The following SPRY4 variants were observed in gnomAD, a reference collection of about 807,000 sequenced individuals.
SPRY4 encodes the protein sprouty RTK signaling antagonist 4.
A neutral mutation model predicts 17.0 loss-of-function variants in SPRY4; 7 were observed. The observed-to-expected ratio is 0.41, with a 90% CI of 0.23 to 0.77. The LOEUF (loss-of-function observed/expected upper bound fraction) is 0.77. Among genes scored for constraint, SPRY4 ranks in the 30% least tolerant of loss-of-function variants. SPRY4 has a pLI of 0.32. For missense variants in SPRY4, 435 were observed against 419.9 expected, an observed-to-expected ratio of 1.04 and a Z score of -0.31; for synonymous variants, 183 against 174.1, an observed-to-expected ratio of 1.05 and a Z score of -0.40.
chr5:142,323,938 G>C lies in SPRY4; in HGVS notation c.-48+906C>G, dbSNP rs533227135. ...TGTCAAGCCTGGTACCACCAAGAAGGAAGGAGGGAAAGCAGGAGCCTTATC... is the reference window on the plus strand; with the variant it reads ...TGTCAAGCCTGGTACCACCAAGAAGCAAGGAGGGAAAGCAGGAGCCTTATC... On this transcript the variant is annotated intron_variant, in intron 1 of 1. Coordinates refer to ENST00000434127, the MANE Select transcript of SPRY4 (RefSeq NM_001127496.3). 4 of 152,440 alleles carry C rather than the reference G, an allele frequency of 2.6e-5. No homozygotes were observed. In the East Asian group the frequency reaches 7.7e-4, roughly 29 times the overall value. The allele number at this position is 152,440 out of a possible 1,614,324, so 9.4% of individuals were successfully genotyped here.
In SPRY4 at chr5:142,314,488, G is replaced by C; in HGVS notation, c.621C>G (p.Phe207Leu). 1 of 1,614,210 alleles carries C rather than the reference G, an allele frequency of 6.2e-7. No individual in the cohort carries two copies. ...GTCMCLVQGI[F>L]YHCTNEDDEG... ...CATCGTCCTCATTCGTGCAGTGGTAGAAGATGCCCTGCACCAAACACATGC... is the reference window on the plus strand; with the variant it reads ...CATCGTCCTCATTCGTGCAGTGGTACAAGATGCCCTGCACCAAACACATGC... Residue 207 changes from phenylalanine (F) to leucine (L), a missense_variant, in exon 2 of 2, where the codon TTC (phenylalanine) becomes TTG (leucine). Phe to Leu is a conservative substitution (Grantham distance 22, BLOSUM62 0). Coordinates refer to ENST00000434127, the MANE Select transcript of SPRY4 (RefSeq NM_001127496.3). The surrounding 1 kb of genome is among the most constrained non-coding windows in gnomAD (Gnocchi z 4.8).
rs12519043 is a variant in SPRY4 at position 142,320,446 on chromosome 5, C to T, written c.-48+4398G>A. On this transcript the variant is annotated intron_variant, in intron 1 of 1. Transcript: ENST00000434127. ...ACTTCATCCCACCACATTACCGATTCCCAACCCTCTTCTCTTCTCTCTTTC... is the reference window on the plus strand; with the variant it reads ...ACTTCATCCCACCACATTACCGATTTCCAACCCTCTTCTCTTCTCTCTTTC... Among the ~76,000 whole-genome samples, 844 of 152,200 alleles carry T rather than the reference C, an allele frequency of 5.5e-3. 2 individuals carry two copies. The highest frequency in any genetic ancestry group is 9.7e-3 in the Non-Finnish European group (657 of 68,002).
intron 1 of SPRY4, chr5:142,319,638 A>G: frequency 6.9e-7 from 1 of 1,459,012 alleles, no homozygotes; most frequent in South Asian, 1.3e-5. Flanking sequence ...TAGAATACTG[A>G]ATCAGCAGGA....
Position 142,314,739 on chromosome 5 carries a change from C to G in SPRY4, c.370G>C (p.Ala124Pro). 6 of 1,608,030 alleles carry G rather than the reference C, an allele frequency of 3.7e-6. No individual in the cohort carries two copies. Among genetic ancestry groups the G allele is most frequent in the Non-Finnish European group, 5.1e-6 (6 of 1,175,116 alleles). The change falls in exon 2 of 2, where the codon GCC becomes CCC. Residue 124 changes from alanine (A) to proline (P), a missense_variant. Coordinates refer to ENST00000434127, the MANE Select transcript of SPRY4 (RefSeq NM_001127496.3). The surrounding 1 kb of genome is among the most constrained non-coding windows in gnomAD (Gnocchi z 4.8). ...TGGATGCGCACAGCCCTTGGTGAGG[C>G]CTGGTCAGCCACGGGTGGTGGTGCC... ...HMAPPPVADQ[A>P]SPRAVRIQPK...
intron 1 of SPRY4, among the ~76,000 whole-genome samples, chr5:142,320,494 A>G (rs1456003524): frequency 2.0e-5 from 3 of 152,174 alleles, no homozygotes; most frequent in Non-Finnish European, 4.4e-5. Flanking sequence ...CTGAGCTCCA[A>G]AGCCCCAGCA....
At chr5:142,317,620 T>C in intron 1 of SPRY4, 1 of 157,112 alleles carries the variant, frequency 6.4e-6, no homozygotes, top group Non-Finnish European at 1.2e-5. Context: ...GCAGATTCAC[T>C]TTTTTTTTTT....
At chr5:142,316,928 G>C (rs1759172875) in intron 1 of SPRY4, 6 of 919,898 alleles carry the variant, frequency 6.5e-6, no homozygotes, top group Non-Finnish European at 5.2e-6. Flanking sequence ...AAGGATGCTG[G>C]TATTTCTTTA....
Position 142,314,163 on chromosome 5 carries a change from G to C in SPRY4, c.*46C>G, listed in dbSNP as rs144313996. Reference sequence around the variant, plus strand: ...GCTGCAGTCTTCTTAGATGTCAGAAGAGAACCAGGTTTCCAGGCAGAGCAC... The same window carrying C: ...GCTGCAGTCTTCTTAGATGTCAGAACAGAACCAGGTTTCCAGGCAGAGCAC... On this transcript the variant is annotated 3_prime_UTR_variant, in exon 2 of 2. Transcript: ENST00000434127. The surrounding 1 kb of genome is among the most constrained non-coding windows in gnomAD (Gnocchi z 4.8). 1.3e-6 allele frequency: 2 copies of C among 1,555,770 alleles called. No homozygotes were observed. Among genetic ancestry groups the C allele is most frequent in the Non-Finnish European group, 1.7e-6 (2 of 1,153,574 alleles).
chr5:142,317,083 C>T (rs1759178449), intron 1 of SPRY4: 1 of 985,464 alleles, frequency 1.0e-6, no homozygotes, highest in Non-Finnish European at 1.2e-6. Context: ...GCAGGTCTGC[C>T]ACCAAAGAGT....
chr5:142,319,896 T>C, intron 1 of SPRY4: 1 of 1,001,444 alleles, frequency 1.0e-6, no homozygotes, highest in African/African-American at 1.7e-5. Flanking sequence ...GGGAGGTGAG[T>C]TGGGAAATAT....
chr5:142,322,481 A>ATATAT, intron 1 of SPRY4, among the ~76,000 whole-genome samples: 1 of 115,856 alleles, frequency 8.6e-6, no homozygotes, highest in African/African-American at 2.7e-5. Flanking sequence ...AGAAAAAAAA[A>ATATAT]AAATATATAT....
rs1303599898 is a variant in SPRY4, at chr5:142,319,755, G to A, written c.-47-4600C>T. Reference sequence around the variant, plus strand: ...CACTGCATTTGTACCTGTGGGGAGGGGGCTGAGCATCAGGCTGCAAACCGC... The same window carrying A: ...CACTGCATTTGTACCTGTGGGGAGGAGGCTGAGCATCAGGCTGCAAACCGC... On this transcript the variant is annotated intron_variant, in intron 1 of 1. Coordinates refer to ENST00000434127, the MANE Select transcript of SPRY4 (RefSeq NM_001127496.3). 8 of 1,612,634 alleles carry A rather than the reference G, an allele frequency of 5.0e-6. No homozygotes were observed. In the East Asian group the frequency reaches 6.7e-5, roughly 13 times the overall value.
chr5:142,323,451 TG>T (rs1015091492), intron 1 of SPRY4, among the ~76,000 whole-genome samples: 13 of 152,202 alleles, frequency 8.5e-5, no homozygotes, highest in African/African-American at 2.7e-4. Flanking sequence ...CTAACCGCGC[TG>T]GGGGGTACGG....
At chr5:142,323,740 G>C (rs1759430323) in intron 1 of SPRY4, 1 of 152,338 alleles carries the variant, frequency 6.6e-6, no homozygotes, top group African/African-American at 2.4e-5. Context: ...CTGTCTAAAT[G>C]CTTTTTGATC....
chr5:142,319,666 C>T, intron 1 of SPRY4: 1 of 1,540,678 alleles, frequency 6.5e-7, no homozygotes, highest in Non-Finnish European at 8.8e-7. Flanking sequence ...ATCCCCAGAA[C>T]ACGCGCAACA....
intron 1 of SPRY4, among the ~76,000 whole-genome samples, chr5:142,323,635 C>A (rs1759426746): frequency 6.6e-6 from 1 of 152,214 alleles, no homozygotes; most frequent in Admixed American, 6.5e-5. Flanking sequence ...ATAAGCCACG[C>A]AACCATTTTC....
rs1410437437 is a variant in SPRY4, at chr5:142,313,630, A to G, written c.*579T>C. The G allele has an allele frequency of 6.5e-6, 1 of 153,720 alleles. No individual in the cohort carries two copies. Among genetic ancestry groups the G allele is most frequent in the Non-Finnish European group, 1.4e-5 (1 of 69,150 alleles). 9.5% of individuals were successfully genotyped at this position (153,720 alleles called of 1,614,324 possible). A position where few individuals can be genotyped will look rare whatever the true frequency, so the allele number is the denominator to read the frequency against. ...TCTGTTCTCAGTGGCTCCCAAGTATATACAATAGGAACTGCTAGGGTGTTC... is the reference window on the plus strand; with the variant it reads ...TCTGTTCTCAGTGGCTCCCAAGTATGTACAATAGGAACTGCTAGGGTGTTC... On this transcript the variant is annotated 3_prime_UTR_variant, in exon 2 of 2. Coordinates refer to ENST00000434127, the MANE Select transcript of SPRY4 (RefSeq NM_001127496.3).
At position 142,314,794 on chromosome 5, in the gene SPRY4, T is replaced by A. The variant is rs770077675; in HGVS notation, c.315A>T (p.Thr105=). Residue 105 remains threonine (T), a synonymous_variant, in exon 2 of 2, where the codon ACA becomes ACT. Coordinates refer to ENST00000434127, the MANE Select transcript of SPRY4 (RefSeq NM_001127496.3). This position sits in a 1 kb window ranked among gnomAD's most constrained non-coding sequence, Gnocchi z 4.8. ...RPSSVSSSSS[T]SSDQRLLDHM... is the part of the protein sequence containing the mutation. ...GGTCTAAGAGCCGTTGGTCAGAGGATGTGCTGCTGCTGCTGCTCACAGAGC... is the reference window on the plus strand; with the variant it reads ...GGTCTAAGAGCCGTTGGTCAGAGGAAGTGCTGCTGCTGCTGCTCACAGAGC... 6 of 1,596,506 alleles carry A rather than the reference T, an allele frequency of 3.8e-6. No homozygotes were observed. Among genetic ancestry groups the A allele is most frequent in the East Asian group, 2.2e-5 (1 of 44,466 alleles).
chr5:142,321,760 A>T (rs13362006), intron 1 of SPRY4, among the ~76,000 whole-genome samples: 1 of 152,066 alleles, frequency 6.6e-6, no homozygotes, highest in Non-Finnish European at 1.5e-5. Context: ...TTCTGAATAA[A>T]GAGGGAGGGC....
Sources: allele counts gnomAD v4.1 joint callset (sites outside exome capture counted in the v4.1 genomes callset), GRCh38; gene constraint gnomAD v4.1.1; non-coding constraint Gnocchi (gnomAD v3.1); transcripts MANE v1.5; gene names NCBI Gene and HGNC (gene_info 2026-07-23, HGNC 2026-07-21).